The following MYT1L variants were observed in gnomAD, a reference collection of about 807,000 sequenced individuals.
MYT1L encodes the protein myelin transcription factor 1 like.
In MYT1L, 12 loss-of-function variants were observed where a neutral mutation model predicts 126.7. That is an observed-to-expected ratio of 0.09 (90% CI 0.06 to 0.15). The LOEUF is 0.15. Among genes scored for constraint, MYT1L ranks in the 10% least tolerant of loss-of-function variants. The pLI, the probability that MYT1L is intolerant of heterozygous loss-of-function variation, is 1.00. For missense variants in MYT1L, 979 were observed against 1,585.2 expected (o/e 0.62, Z 6.49); for synonymous variants, 541 against 604.2 (o/e 0.90, Z 1.53).
chr2:1,960,182 T>C (rs770736927), intron 8 of MYT1L, among the ~76,000 whole-genome samples: 1 of 152,100 alleles, frequency 6.6e-6, no homozygotes, highest in Non-Finnish European at 1.5e-5. Flanking sequence ...AAAGACGACA[T>C]ACAAGGCTTT....
At chr2:1,911,951 C>G in intron 12 of MYT1L, 69 bp downstream of exon 12, 1 of 1,274,592 alleles carries the variant, frequency 7.8e-7, no homozygotes, top group South Asian at 1.5e-5. Flanking sequence ...TGGTAGGCCC[C>G]CCAGGAAGGA....
chr2:2,276,308 G>A (rs2095357633), intron 2 of MYT1L, among the ~76,000 whole-genome samples: 1 of 152,282 alleles, frequency 6.6e-6, no homozygotes, highest in South Asian at 2.1e-4. Flanking sequence ...GAGCAGACCA[G>A]TCCTCGCTCA....
intron 2 of MYT1L, among the ~76,000 whole-genome samples, chr2:2,276,615 G>T (rs2095363105): frequency 1.3e-5 from 2 of 152,138 alleles, no homozygotes; most frequent in Admixed American, 1.3e-4. Flanking sequence ...AAGGCTGGTT[G>T]TCACATGCAA....
In MYT1L at chr2:1,903,310, AAAAC is replaced by A; in HGVS notation, c.1818-20_1818-17del. ...GCACATTGGCCTGGAAGTAAACAAG[AAAAC>A]AAACAACAGCTTGCTTTCCTGTGGC... On this transcript the variant is annotated splice_polypyrimidine_tract_variant and intron_variant, in intron 13 of 24. Coordinates refer to ENST00000647738, the MANE Select transcript of MYT1L (RefSeq NM_001303052.2). 1 of 1,598,896 alleles carries A rather than the reference AAAAC, an allele frequency of 6.3e-7. No homozygotes were observed. The highest frequency in any genetic ancestry group is 8.5e-7 in the Non-Finnish European group (1 of 1,170,346).
At chr2:1,928,559 C>T (rs915148447) in intron 9 of MYT1L, among the ~76,000 whole-genome samples, 1 of 152,218 alleles carries the variant, frequency 6.6e-6, no homozygotes, top group Non-Finnish European at 1.5e-5. Context: ...GAGGCACGTT[C>T]TACACTAGTT....
chr2:2,098,601 G>A (rs530486389), intron 3 of MYT1L, among the ~76,000 whole-genome samples: 7 of 152,294 alleles, frequency 4.6e-5, no homozygotes, highest in South Asian at 2.1e-4. Flanking sequence ...TGGAGGCCAG[G>A]GGTCCTGCTA....
At chr2:1,953,255 G>A (rs549367340) in intron 8 of MYT1L, among the ~76,000 whole-genome samples, 13 of 152,232 alleles carry the variant, frequency 8.5e-5, no homozygotes, top group Admixed American at 2.0e-4. Flanking sequence ...GGGCCACCAC[G>A]CCCAGCGTCT....
intron 3 of MYT1L, among the ~76,000 whole-genome samples, chr2:2,140,253 C>A (rs1430791625): frequency 6.6e-6 from 1 of 151,878 alleles, no homozygotes; most frequent in East Asian, 1.9e-4. Flanking sequence ...TGTGCCATAG[C>A]AAATTTAAAA....
At chr2:2,242,165 A>T (rs1446156312) in intron 2 of MYT1L, among the ~76,000 whole-genome samples, 1 of 152,234 alleles carries the variant, frequency 6.6e-6, no homozygotes, top group African/African-American at 2.4e-5. Context: ...ATCAGAGTTC[A>T]TTATTAGGAA....
intron 5 of MYT1L, among the ~76,000 whole-genome samples, chr2:1,992,427 T>C (rs1435435013): frequency 6.6e-6 from 1 of 152,196 alleles, no homozygotes; most frequent in Non-Finnish European, 1.5e-5. Flanking sequence ...GGAGCATTGC[T>C]GGAGTCCCCA....
intron 15 of MYT1L, among the ~76,000 whole-genome samples, chr2:1,890,069 ATT>A (rs66780734): frequency 0.077 from 11,218 of 145,678 alleles, 469 homozygotes; most frequent in African/African-American, 0.091. Context: ...TTGTAATACA[ATT>A]TTTTTTTTTT....
intron 16 of MYT1L, among the ~76,000 whole-genome samples, chr2:1,888,648 A>G (rs865856658): frequency 5.9e-5 from 9 of 152,258 alleles, no homozygotes; most frequent in African/African-American, 1.4e-4. Flanking sequence ...AAAGGGCATT[A>G]TATCTATTTT....
intron 4 of MYT1L, among the ~76,000 whole-genome samples, chr2:2,006,003 C>A (rs1378222457): frequency 1.3e-5 from 2 of 148,536 alleles, no homozygotes; most frequent in Non-Finnish European, 2.9e-5. Context: ...TTCTTTCCTG[C>A]ATGCATTCTT....
chr2:1,970,643 A>T (rs956248870), intron 8 of MYT1L, among the ~76,000 whole-genome samples: 12 of 152,204 alleles, frequency 7.9e-5, no homozygotes, highest in Admixed American at 1.3e-4. Flanking sequence ...GGAATTGCAC[A>T]GCTGGGCCAC....
intron 4 of MYT1L, among the ~76,000 whole-genome samples, chr2:2,053,289 C>T (rs1010442773): frequency 1.3e-5 from 2 of 152,110 alleles, no homozygotes; most frequent in East Asian, 3.9e-4. Context: ...TTAACGGGGA[C>T]AGGGTTTCAG....
intron 4 of MYT1L, among the ~76,000 whole-genome samples, chr2:2,040,198 G>C (rs1260332713): frequency 6.6e-6 from 1 of 152,142 alleles, no homozygotes; most frequent in Non-Finnish European, 1.5e-5. Context: ...TTGGAAACTA[G>C]TGATGTGTCC....
intron 3 of MYT1L, among the ~76,000 whole-genome samples, chr2:2,160,283 T>C (rs2087639619): frequency 1.3e-5 from 2 of 152,204 alleles, no homozygotes; most frequent in African/African-American, 4.8e-5. Flanking sequence ...TTCACATTTT[T>C]AGTGTTGGTA....
intron 3 of MYT1L, among the ~76,000 whole-genome samples, chr2:2,100,931 TAGATAATAATAAAC>T (rs2077994897): frequency 6.6e-6 from 1 of 152,306 alleles, no homozygotes; most frequent in African/African-American, 2.4e-5. Context: ...GAATAGCACG[TAGATAATAATAAAC>T]AGATGATAAT....
At chr2:1,928,153 G>C (rs940463896) in intron 9 of MYT1L, among the ~76,000 whole-genome samples, 1 of 152,108 alleles carries the variant, frequency 6.6e-6, no homozygotes, top group African/African-American at 2.4e-5. Flanking sequence ...GAGTTTCACT[G>C]TGTTGCCCAG....
Sources: allele counts gnomAD v4.1 joint callset (sites outside exome capture counted in the v4.1 genomes callset), GRCh38; gene constraint gnomAD v4.1.1; transcripts MANE v1.5; gene names NCBI Gene and HGNC (gene_info 2026-07-23, HGNC 2026-07-21).